LHFPL6: variants seen among roughly 807,000 people sequenced by gnomAD.
LHFPL6 encodes LHFPL tetraspan subfamily member 6.
A neutral mutation model predicts 20.6 loss-of-function variants in LHFPL6; 9 were observed. The observed-to-expected ratio is 0.44, with a 90% CI of 0.26 to 0.76. The LOEUF is 0.76. Among genes scored for constraint, LHFPL6 ranks in the 30% least tolerant of loss-of-function variants. The pLI is 0.20. For missense variants in LHFPL6, 218 were observed against 253.5 expected (o/e 0.86, Z 0.95); for synonymous variants, 105 against 98.7 (o/e 1.06, Z -0.38).
intron 2 of LHFPL6, among the ~76,000 whole-genome samples, chr13:39,410,572 C>T (rs1231523625): frequency 2.6e-5 from 4 of 152,082 alleles, no homozygotes; most frequent in Non-Finnish European, 5.9e-5. Context: ...AATGACAAAA[C>T]CAACAAAAGA....
At chr13:39,445,022 A>T (rs1473894838) in intron 2 of LHFPL6, among the ~76,000 whole-genome samples, 19 of 152,194 alleles carry the variant, frequency 1.2e-4, no homozygotes, top group Admixed American at 1.1e-3. Context: ...TTACCTCAGG[A>T]GTGAGTTTGT....
intron 2 of LHFPL6, among the ~76,000 whole-genome samples, chr13:39,438,939 G>A (rs1421632027): frequency 6.6e-6 from 1 of 152,326 alleles, no homozygotes; most frequent in Non-Finnish European, 1.5e-5. Flanking sequence ...TACTAGGGCA[G>A]AGCAGAGGCA....
intron 2 of LHFPL6, among the ~76,000 whole-genome samples, chr13:39,394,122 T>C (rs1474237445): frequency 6.6e-6 from 1 of 152,136 alleles, no homozygotes; most frequent in Admixed American, 6.5e-5. Flanking sequence ...TTATGTGTTG[T>C]AGAGATGGGG....
At chr13:39,573,556 C>T (rs944857879) in intron 2 of LHFPL6, among the ~76,000 whole-genome samples, 1 of 152,042 alleles carries the variant, frequency 6.6e-6, no homozygotes, top group Non-Finnish European at 1.5e-5. Flanking sequence ...ATTTTCTGAG[C>T]TTGAAGGTTA....
chr13:39,500,330 G>A (rs112556922), intron 2 of LHFPL6, among the ~76,000 whole-genome samples: 4 of 152,090 alleles, frequency 2.6e-5, no homozygotes, highest in African/African-American at 9.7e-5. Flanking sequence ...AGCCTCCCAA[G>A]TAGCTGGGAC....
At chr13:39,431,385 G>A (rs1177871207) in intron 2 of LHFPL6, among the ~76,000 whole-genome samples, 2 of 152,098 alleles carry the variant, frequency 1.3e-5, no homozygotes, top group Non-Finnish European at 2.9e-5. Flanking sequence ...CACCGCCAGG[G>A]TCCACGGCTT....
intron 2 of LHFPL6, among the ~76,000 whole-genome samples, chr13:39,386,391 C>A: frequency 6.6e-6 from 1 of 152,190 alleles, no homozygotes; most frequent in Middle Eastern, 3.4e-3. Flanking sequence ...AAAAAAAAGG[C>A]TTGGTTGCAT....
At chr13:39,601,454 G>A in intron 1 of LHFPL6, 64 bp from the exon 2 acceptor site, 1 of 394,878 alleles carries the variant, frequency 2.5e-6, no homozygotes, top group Admixed American at 4.0e-5. Flanking sequence ...CACTGTTTCA[G>A]CTAGTCTACA....
At position 39,421,448 on chromosome 13, in the gene LHFPL6, A is replaced by T. The variant is rs146784365; in HGVS notation, c.386-42922T>A. Among the ~76,000 whole-genome samples, 321 of 152,314 alleles carry T rather than the reference A, an allele frequency of 2.1e-3. 1 individual carries two copies. Among genetic ancestry groups the T allele is most frequent in the African/African-American group, 7.2e-3 (301 of 41,578 alleles). ...GCATTATGACTGATCCTGCATATTG[A>T]AATAATAAAAAAATTAAAAAAAATT... On this transcript the variant is annotated intron_variant, in intron 2 of 3. Coordinates refer to ENST00000379589, the MANE Select transcript of LHFPL6 (RefSeq NM_005780.3).
At chr13:39,354,919 C>T (rs528214437) in intron 3 of LHFPL6, among the ~76,000 whole-genome samples, 18 of 151,790 alleles carry the variant, frequency 1.2e-4, no homozygotes, top group African/African-American at 3.9e-4. Context: ...AAAGAGGCCA[C>T]ACCTACGACT....
chr13:39,595,728 A>G (rs1261257907), intron 2 of LHFPL6, among the ~76,000 whole-genome samples: 2 of 152,200 alleles, frequency 1.3e-5, no homozygotes, highest in African/African-American at 4.8e-5. Context: ...CTGTGGCCCT[A>G]AAAAGTATGA....
intron 2 of LHFPL6, among the ~76,000 whole-genome samples, chr13:39,508,738 T>C (rs867215903): frequency 6.6e-6 from 1 of 152,362 alleles, no homozygotes; most frequent in South Asian, 2.1e-4. Context: ...CACCTACTGA[T>C]GGACATCTTC....
At chr13:39,569,426 AG>A (rs1871842397) in intron 2 of LHFPL6, among the ~76,000 whole-genome samples, 1 of 152,178 alleles carries the variant, frequency 6.6e-6, no homozygotes, top group Non-Finnish European at 1.5e-5. Flanking sequence ...CATTTTCAAA[AG>A]GAGAAAATGT....
chr13:39,386,716 C>A (rs1395233010), intron 2 of LHFPL6, among the ~76,000 whole-genome samples: 1 of 152,222 alleles, frequency 6.6e-6, no homozygotes, highest in Non-Finnish European at 1.5e-5. Context: ...TATGTCAACA[C>A]AGAGCCTGCA....
rs1349048618 is a variant in LHFPL6 at position 39,382,619 on chromosome 13, A to AC, written c.386-4094dup. Among the ~76,000 whole-genome samples the AC allele has an allele frequency of 2.6e-5, 4 of 151,478 alleles. No individual in the cohort carries two copies. In the East Asian group the frequency reaches 7.8e-4, roughly 29 times the overall value. On this transcript the variant is annotated intron_variant, in intron 2 of 3. Coordinates refer to ENST00000379589, the MANE Select transcript of LHFPL6 (RefSeq NM_005780.3). ...TGGTCAGGTTGGTCTTGAACTCCTGACCTTGTGATCTGCCTGCCTCAGCCT... is the reference window on the plus strand; with the variant it reads ...TGGTCAGGTTGGTCTTGAACTCCTGACCCTTGTGATCTGCCTGCCTCAGCCT...
chr13:39,405,238 C>G (rs546500090), intron 2 of LHFPL6, among the ~76,000 whole-genome samples: 1 of 152,310 alleles, frequency 6.6e-6, no homozygotes, highest in South Asian at 2.1e-4. Context: ...TCCATCCCAA[C>G]TCTGCCTTCT....
chr13:39,399,640 G>A (rs187688986), intron 2 of LHFPL6, among the ~76,000 whole-genome samples: 2 of 152,296 alleles, frequency 1.3e-5, no homozygotes, highest in East Asian at 3.9e-4. Flanking sequence ...TAAAGATCAC[G>A]CTGTGGAAAG....
intron 2 of LHFPL6, among the ~76,000 whole-genome samples, chr13:39,519,815 T>C (rs1003444004): frequency 3.3e-5 from 5 of 152,052 alleles, no homozygotes; most frequent in Non-Finnish European, 5.9e-5. Context: ...AGGTAATAGA[T>C]GAAACACTCT....
chr13:39,378,641 G>C (rs1593291212), intron 2 of LHFPL6, 115 bp from the exon 3 acceptor site: 1 of 664,798 alleles, frequency 1.5e-6, no homozygotes, highest in Non-Finnish European at 2.6e-6. Flanking sequence ...TTTTTAGACA[G>C]CACCAGCCAC....
Sources: gnomAD v4.1 joint callset for allele counts (sites outside exome capture counted in the v4.1 genomes callset) on GRCh38, gnomAD v4.1.1 for gene constraint, MANE v1.5 for transcripts, NCBI Gene and HGNC (gene_info 2026-07-23, HGNC 2026-07-21) for gene names.